HELQ: variants seen among roughly 807,000 people sequenced by gnomAD.
The protein encoded by HELQ is helicase, POLQ like.
A neutral mutation model predicts 111.6 loss-of-function variants in HELQ; 77 were observed. The observed-to-expected ratio is 0.69, with a 90% CI of 0.57 to 0.83. The LOEUF (loss-of-function observed/expected upper bound fraction) is 0.83, where lower values mean the gene tolerates loss of function less well. HELQ is among the 40% of genes least tolerant of loss of function. The pLI, the probability that HELQ is intolerant of heterozygous loss-of-function variation, is 0.00. For synonymous variants in HELQ, 438 were observed against 454.7 expected (o/e 0.96, Z 0.47); for missense variants, 1,200 against 1,288.5 (o/e 0.93, Z 1.05).
intron 14 of HELQ, among the ~76,000 whole-genome samples, chr4:83,423,851 C>T (rs1358738983): frequency 6.6e-6 from 1 of 151,646 alleles, no homozygotes; most frequent in African/African-American, 2.4e-5. Flanking sequence ...GCGGAGGTTG[C>T]AGTGAGCTGA....
chr4:83,423,121 A>C (rs1296788815), intron 14 of HELQ, among the ~76,000 whole-genome samples: 1 of 152,136 alleles, frequency 6.6e-6, no homozygotes, highest in Admixed American at 6.5e-5. Flanking sequence ...AACTTAAAAA[A>C]GAAAAAGTAG....
At position 83,448,924 on chromosome 4, in the gene HELQ, T is replaced by C. The variant is rs1438832791; in HGVS notation, c.1050A>G (p.Gln350=). 1.2e-6 allele frequency: 2 copies of C among 1,611,056 alleles called. No homozygotes were observed. Among genetic ancestry groups the C allele is most frequent in the Middle Eastern group, 1.7e-4 (1 of 6,056 alleles). The change falls in exon 3 of 18, where the codon CAA becomes CAG. Residue 350 remains glutamine, a synonymous_variant. Coordinates refer to ENST00000295488, the MANE Select transcript of HELQ (RefSeq NM_133636.5). ...AGGAATATATTAAATTTTTTCTTTCTTGCACAGAATTCAATGTTAAACAAG... is the reference window on the plus strand; with the variant it reads ...AGGAATATATTAAATTTTTTCTTTCCTGCACAGAATTCAATGTTAAACAAG... ...QHTCLTLNSV[Q]ERKNLIYSLP... is the part of the protein sequence containing the mutation.
intron 16 of HELQ, among the ~76,000 whole-genome samples, chr4:83,417,258 A>C (rs1329258833): frequency 6.7e-6 from 1 of 149,006 alleles, no homozygotes; most frequent in African/African-American, 2.5e-5. Flanking sequence ...GCTGGAGTGC[A>C]ATGGTGCGAT....
chr4:83,444,750 T>C (rs549601444), intron 5 of HELQ, among the ~76,000 whole-genome samples: 8 of 152,142 alleles, frequency 5.3e-5, no homozygotes, highest in Non-Finnish European at 1.2e-4. Context: ...TCCATAAGGA[T>C]AGACTACAAA....
At chr4:83,412,270 A>C (rs1578062146) in intron 17 of HELQ, among the ~76,000 whole-genome samples, 1 of 152,240 alleles carries the variant, frequency 6.6e-6, no homozygotes, top group East Asian at 1.9e-4. Context: ...ATTAAGAAGA[A>C]CTGTAACTTG....
upstream of HELQ, chr4:83,455,868 A>T: frequency 1.3e-6 from 1 of 776,110 alleles, no homozygotes. Context: ...ACCCTGTCCA[A>T]TCATAAGCCT....
intron 15 of HELQ, 122 bp from the exon 16 acceptor site, chr4:83,418,328 A>G: frequency 2.0e-6 from 1 of 500,472 alleles, no homozygotes; most frequent in Non-Finnish European, 3.6e-6. Flanking sequence ...GAGTTAAGCC[A>G]GAGATGAAAG....
At chr4:83,410,090 C>A (rs1739007021) in intron 17 of HELQ, among the ~76,000 whole-genome samples, 1 of 151,942 alleles carries the variant, frequency 6.6e-6, no homozygotes, top group African/African-American at 2.4e-5. Flanking sequence ...GCCTCTACAA[C>A]AACAACAAAA....
At position 83,455,820 on chromosome 4, in the gene HELQ, T is replaced by C. The variant is rs925389100; in HGVS notation, c.-127A>G. The C allele has an allele frequency of 1.0e-6, 1 of 960,004 alleles. No homozygotes were observed. Among genetic ancestry groups the C allele is most frequent in the African/African-American group, 1.6e-5 (1 of 61,472 alleles). The allele number at this position is 960,004 out of a possible 1,614,324, so 59.5% of individuals were successfully genotyped here. On this transcript the variant is annotated 5_prime_UTR_variant, in exon 1 of 18. Coordinates refer to ENST00000295488, the MANE Select transcript of HELQ (RefSeq NM_133636.5). ...CCTTGGGAAAAGACCCCAAGTTAGC[T>C]CTCAGGGCTCGCGGACCGGAAGCAC...
chr4:83,416,908 TAGAAAAA>T, intron 16 of HELQ, 43 bp from the exon 17 acceptor site: 1 of 1,535,384 alleles, frequency 6.5e-7, no homozygotes, highest in South Asian at 1.2e-5. Flanking sequence ...AGTTTGGGAT[TAGAAAAA>T]AGAAAATTAA....
chr4:83,408,682 G>A (rs1427253697), intron 17 of HELQ, among the ~76,000 whole-genome samples: 1 of 151,790 alleles, frequency 6.6e-6, no homozygotes, highest in Non-Finnish European at 1.5e-5. Flanking sequence ...CCAAAGTGCT[G>A]GGATTATAGT....
rs546067401 is a variant in HELQ at position 83,427,780 on chromosome 4, T to G, written c.2519-60A>C. The G allele has an allele frequency of 2.4e-6, 3 of 1,234,136 alleles. No individual in the cohort carries two copies. The East Asian group carries it at 8.2e-5, about 34-fold the overall frequency. 76.4% of individuals were successfully genotyped at this position (1,234,136 alleles called of 1,614,324 possible). ...ATTACCAGAGGGGCAAAGAGATGGCTTTAAATATTGTGTAGAAATTGCTTA... is the reference window on the plus strand; with the variant it reads ...ATTACCAGAGGGGCAAAGAGATGGCGTTAAATATTGTGTAGAAATTGCTTA... On this transcript the variant is annotated intron_variant, in intron 12 of 17. Transcript: ENST00000295488.
rs113162751 is a variant in HELQ, at chr4:83,444,652, T to C, written c.1466-1038A>G. Among the ~76,000 whole-genome samples, 986 of 152,340 alleles carry C rather than the reference T, an allele frequency of 6.5e-3. 12 individuals are homozygous for C. The highest frequency in any genetic ancestry group is 0.023 in the African/African-American group (938 of 41,566). On this transcript the variant is annotated intron_variant, in intron 5 of 17. Coordinates refer to ENST00000295488, the MANE Select transcript of HELQ (RefSeq NM_133636.5). ...AATGAAAACCCAAATAGGCCTTCTT[T>C]GCAAATGTTTCTTCATTGCTCCTAT...
intron 2 of HELQ, among the ~76,000 whole-genome samples, chr4:83,452,342 G>C (rs1038378768): frequency 6.6e-6 from 1 of 151,908 alleles, no homozygotes; most frequent in South Asian, 2.1e-4. Flanking sequence ...GCCCAAGGAA[G>C]CCAAAAGATT....
At chr4:83,430,583 A>G (rs752551853) in intron 11 of HELQ, among the ~76,000 whole-genome samples, 4 of 152,240 alleles carry the variant, frequency 2.6e-5, no homozygotes, top group Non-Finnish European at 5.9e-5. Flanking sequence ...TTATACTAAA[A>G]TATAGTCAAT....
At chr4:83,449,732 A>C (rs557889141) in intron 2 of HELQ, among the ~76,000 whole-genome samples, 5 of 152,366 alleles carry the variant, frequency 3.3e-5, no homozygotes, top group African/African-American at 9.6e-5. Context: ...ATTTCACAGC[A>C]GACGGCAAAT....
intron 8 of HELQ, among the ~76,000 whole-genome samples, chr4:83,439,323 C>T (rs1720643319): frequency 6.6e-6 from 1 of 151,206 alleles, no homozygotes; most frequent in African/African-American, 2.4e-5. Flanking sequence ...CCTTGGCTTC[C>T]CAAAGTGCTG....
chr4:83,427,813 CA>C (rs1211459024), intron 12 of HELQ, 93 bp from the exon 13 acceptor site: 4 of 837,132 alleles, frequency 4.8e-6, no homozygotes, highest in Non-Finnish European at 6.9e-6. Flanking sequence ...TTAAATATAG[CA>C]AAAAGTCTTC....
intron 13 of HELQ, among the ~76,000 whole-genome samples, chr4:83,426,401 TA>T (rs540549239): frequency 9.3e-4 from 140 of 150,924 alleles, no homozygotes; most frequent in African/African-American, 3.2e-3. Flanking sequence ...TAGTGCTACT[TA>T]AAAAAAACTT....
Sources: gnomAD v4.1 joint callset for allele counts (sites outside exome capture counted in the v4.1 genomes callset) on GRCh38, gnomAD v4.1.1 for gene constraint, MANE v1.5 for transcripts, NCBI Gene and HGNC (gene_info 2026-07-23, HGNC 2026-07-21) for gene names.